The following SLC43A2 variants were observed in gnomAD, a reference collection of about 807,000 sequenced individuals.
SLC43A2 encodes solute carrier family 43 member 2.
Under a neutral mutation model 63.2 loss-of-function variants are expected in SLC43A2, and 38 were observed. The ratio of observed to expected loss-of-function variants is 0.60; its 90% confidence interval spans 0.46 to 0.79. SLC43A2 has a LOEUF of 0.79. SLC43A2 is among the 30% of genes least tolerant of loss of function. The pLI, the probability that SLC43A2 is intolerant of heterozygous loss-of-function variation, is 0.00. For missense variants in SLC43A2, 644 were observed against 756.2 expected, an observed-to-expected ratio of 0.85 and a Z score of 1.74; for synonymous variants, 322 against 331.0, an observed-to-expected ratio of 0.97 and a Z score of 0.30.
intron 5 of SLC43A2, chr17:1,604,925 C>T (rs554512071): frequency 5.9e-6 from 9 of 1,524,988 alleles, no homozygotes; most frequent in African/African-American, 2.7e-5. Context: ...AATGGCTGTT[C>T]GAAGCCGCGG....
chr17:1,616,448 A>G lies in SLC43A2; in HGVS notation c.368+114T>C. The G allele has an allele frequency of 3.8e-6, 4 of 1,043,812 alleles. No homozygotes were observed. The South Asian group carries it at 6.5e-5, about 17-fold the overall frequency. The allele number at this position is 1,043,812 out of a possible 1,614,324, so 64.7% of individuals were successfully genotyped here. ...AGGAACTCCATTCTGGAGGGCCTTC[A>G]GGGAGCTCCACAGTACACCTGATAT... On this transcript the variant is annotated intron_variant, in intron 3 of 13. Coordinates refer to ENST00000301335, the MANE Select transcript of SLC43A2 (RefSeq NM_152346.3).
intron 2 of SLC43A2, among the ~76,000 whole-genome samples, chr17:1,619,574 G>C (rs916067421): frequency 2.0e-5 from 3 of 152,220 alleles, no homozygotes; most frequent in Non-Finnish European, 4.4e-5. Flanking sequence ...TCAGGGTGGA[G>C]CTCAGAGCGG....
chr17:1,592,409 A>G (rs1904906025), intron 6 of SLC43A2, among the ~76,000 whole-genome samples: 1 of 152,260 alleles, frequency 6.6e-6, no homozygotes, highest in Admixed American at 6.5e-5. Context: ...CCTGGGCGAC[A>G]GAGCAAGACC....
intron 2 of SLC43A2, among the ~76,000 whole-genome samples, chr17:1,623,021 G>A (rs376196203): frequency 1.8e-4 from 27 of 152,112 alleles, no homozygotes; most frequent in African/African-American, 5.8e-4. Context: ...CAGGAAAATC[G>A]CTTTAACCCG....
chr17:1,618,368 A>C (rs1293524651), intron 2 of SLC43A2, among the ~76,000 whole-genome samples: 1 of 152,190 alleles, frequency 6.6e-6, no homozygotes, highest in Non-Finnish European at 1.5e-5. Context: ...AATGAGAAAA[A>C]TTCAGAAAAC....
At chr17:1,612,805 G>A (rs1388047827) in intron 5 of SLC43A2, among the ~76,000 whole-genome samples, 1 of 152,114 alleles carries the variant, frequency 6.6e-6, no homozygotes, top group African/African-American at 2.4e-5. Flanking sequence ...AACCCCATGT[G>A]TACTAAAAAT....
At chr17:1,581,221 C>T (rs912271951) in intron 11 of SLC43A2, among the ~76,000 whole-genome samples, 25 of 151,906 alleles carry the variant, frequency 1.6e-4, no homozygotes, top group African/African-American at 5.6e-4. Context: ...CACACACACA[C>T]GCACGCTGTG....
intron 11 of SLC43A2, among the ~76,000 whole-genome samples, chr17:1,582,949 C>G (rs1035756838): frequency 6.6e-6 from 1 of 152,068 alleles, no homozygotes; most frequent in Non-Finnish European, 1.5e-5. Context: ...CGTGATGGTG[C>G]GCACCTGTAA....
At chr17:1,617,312 C>A (rs8066678) in intron 2 of SLC43A2, among the ~76,000 whole-genome samples, 55,981 of 152,162 alleles carry the variant, frequency 0.37, 11,202 homozygotes, top group Non-Finnish European at 0.47. Flanking sequence ...TGTGGGGAGA[C>A]TGCGGCGCCT....
intron 9 of SLC43A2, among the ~76,000 whole-genome samples, chr17:1,589,084 C>T (rs1388785709): frequency 6.6e-6 from 1 of 152,216 alleles, no homozygotes; most frequent in Non-Finnish European, 1.5e-5. Flanking sequence ...AGGGGGAAAA[C>T]CAGTGCCTCG....
chr17:1,586,928 T>TGGCCCCCCCCCCCCCCCAACCCCCCG, intron 9 of SLC43A2: 1 of 1,232,914 alleles, frequency 8.1e-7, no homozygotes, highest in Non-Finnish European at 1.1e-6. Context: ...TCCCTGACAA[T>TGGCCCCCCCCCCCCCCCAACCCCCCG]CCCCCCCACC....
chr17:1,594,649 T>TG (rs1905115697), intron 5 of SLC43A2, among the ~76,000 whole-genome samples: 2 of 135,734 alleles, frequency 1.5e-5, no homozygotes, highest in African/African-American at 2.8e-5. Flanking sequence ...CTGCAGTGGC[T>TG]CTATCTCGGC....
rs1260288878 is a variant in SLC43A2, at chr17:1,616,554, A to G, written c.368+8T>C. On this transcript the variant is annotated splice_region_variant and intron_variant, in intron 3 of 13. Transcript: ENST00000301335. ...CCACTCCCTGCCCCCTAAGGGACCCACACTGACCTGCCCAGCAGCCTGAGC... is the reference window on the plus strand; with the variant it reads ...CCACTCCCTGCCCCCTAAGGGACCCGCACTGACCTGCCCAGCAGCCTGAGC... 1 of 1,605,684 alleles carries G rather than the reference A, an allele frequency of 6.2e-7. No homozygotes were observed. Among genetic ancestry groups the G allele is most frequent in the Non-Finnish European group, 8.5e-7 (1 of 1,176,290 alleles).
chr17:1,576,256 G>A (rs543936405), intron 13 of SLC43A2, among the ~76,000 whole-genome samples: 15 of 152,028 alleles, frequency 9.9e-5, no homozygotes, highest in African/African-American at 3.1e-4. Flanking sequence ...GCTAATTTTT[G>A]TATTTTTAGT....
intron 1 of SLC43A2, chr17:1,628,463 A>G (rs1908892852): frequency 6.7e-6 from 1 of 148,858 alleles, no homozygotes; most frequent in South Asian, 2.2e-4. Context: ...CGGCGCAGGA[A>G]CTGCCGCGCC....
chr17:1,610,705 C>T (rs1907014210), intron 5 of SLC43A2, among the ~76,000 whole-genome samples: 1 of 150,418 alleles, frequency 6.6e-6, no homozygotes, highest in African/African-American at 2.4e-5. Flanking sequence ...TAGTAAGACC[C>T]CATCTGTAAA....
intron 11 of SLC43A2, among the ~76,000 whole-genome samples, chr17:1,580,774 A>C (rs8075404): frequency 0.011 from 1,690 of 147,208 alleles, 52 homozygotes; most frequent in African/African-American, 0.039. Flanking sequence ...CCGGTTGCCC[A>C]GGCTGGAGTG....
Position 1,578,484 on chromosome 17 carries a change from C to A in SLC43A2, c.1351-161G>T. On this transcript the variant is annotated intron_variant, in intron 11 of 13. Coordinates refer to ENST00000301335, the MANE Select transcript of SLC43A2 (RefSeq NM_152346.3). This position sits in a 1 kb window ranked among gnomAD's most constrained non-coding sequence, Gnocchi z 6.5. ...CAATTGTGAATTTTCAGAAATTTTGCAAGCCAGTCGTTAACACAGTCATTT... is the reference window on the plus strand; with the variant it reads ...CAATTGTGAATTTTCAGAAATTTTGAAAGCCAGTCGTTAACACAGTCATTT... 1.7e-6 allele frequency: 1 copy of A among 596,406 alleles called. No individual in the cohort carries two copies. Among genetic ancestry groups the A allele is most frequent in the Non-Finnish European group, 2.9e-6 (1 of 343,328 alleles). 36.9% of individuals were successfully genotyped at this position (596,406 alleles called of 1,614,324 possible).
chr17:1,629,468 G>A (rs1487297712), upstream of SLC43A2, among the ~76,000 whole-genome samples: 1 of 152,218 alleles, frequency 6.6e-6, no homozygotes, highest in Non-Finnish European at 1.5e-5. Context: ...CCCCGCTGAT[G>A]CACCGACCCC....
Sources: gnomAD v4.1 joint callset for allele counts (sites outside exome capture counted in the v4.1 genomes callset) on GRCh38, gnomAD v4.1.1 for gene constraint, Gnocchi (gnomAD v3.1) non-coding constraint, MANE v1.5 for transcripts, NCBI Gene and HGNC (gene_info 2026-07-23, HGNC 2026-07-21) for gene names.